Variants in SLC25A26 observed in about 807,000 individuals in gnomAD.
The protein encoded by SLC25A26 is solute carrier family 25 member 26, also known as mitochondrial S-adenosylmethionine carrier protein.
SLC25A26 carries 36 observed loss-of-function variants against 37.8 expected under a neutral mutation model. That is an observed-to-expected ratio of 0.95 (90% CI 0.73 to 1.26). SLC25A26 has a LOEUF of 1.26. Ranked by LOEUF, SLC25A26 falls within the 50% of genes most tolerant of loss-of-function variation. The pLI is 0.00. For synonymous variants in SLC25A26, 129 were observed against 122.5 expected, an observed-to-expected ratio of 1.05 and a Z score of -0.35; for missense variants, 390 against 331.1, an observed-to-expected ratio of 1.18 and a Z score of -1.38.
intron 5 of SLC25A26, among the ~76,000 whole-genome samples, chr3:66,287,822 T>TTGTA (rs1269244666): frequency 9.2e-5 from 14 of 152,358 alleles, no homozygotes; most frequent in Middle Eastern, 6.8e-3. Context: ...TTGCTTCTTA[T>TTGTA]TGTAGCACTG....
intron 1 of SLC25A26, among the ~76,000 whole-genome samples, chr3:66,172,033 C>T (rs756648908): frequency 1.3e-5 from 2 of 152,132 alleles, no homozygotes; most frequent in Non-Finnish European, 2.9e-5. Context: ...CCTGCGCTCC[C>T]CTCCTCTGAT....
intron 3 of SLC25A26, among the ~76,000 whole-genome samples, chr3:66,253,314 G>A (rs2073167261): frequency 6.6e-6 from 1 of 151,734 alleles, no homozygotes; most frequent in East Asian, 1.9e-4. Context: ...GGGAGGCTGA[G>A]GCAGGAGAAT....
chr3:66,236,790 G>A lies in SLC25A26; in HGVS notation c.190+90G>A, dbSNP rs2072313680. On this transcript the variant is annotated intron_variant, in intron 2 of 9. Transcript: ENST00000354883. ...GTCTTACCCCCATAGAATTCCTTGT[G>A]TGTTGAAGCTTATCTTCTGAATTTC... is the stretch of plus-strand genomic sequence containing the variant. 3.1e-6 allele frequency: 3 copies of A among 958,152 alleles called. No homozygotes were observed. The East Asian group carries it at 8.7e-5, about 28-fold the overall frequency. The allele number at this position is 958,152 out of a possible 1,614,324, so 59.4% of individuals were successfully genotyped here. A position where few individuals can be genotyped will look rare whatever the true frequency, so the allele number is the denominator to read the frequency against.
chr3:66,247,407 A>G (rs2072900482), intron 3 of SLC25A26, among the ~76,000 whole-genome samples: 1 of 152,142 alleles, frequency 6.6e-6, no homozygotes, highest in Admixed American at 6.5e-5. Flanking sequence ...TTCTGGGCTC[A>G]CGTGATCCTC....
chr3:66,258,021 T>C (rs967572813), intron 3 of SLC25A26, among the ~76,000 whole-genome samples: 3 of 152,172 alleles, frequency 2.0e-5, no homozygotes, highest in Non-Finnish European at 2.9e-5. Flanking sequence ...CTGGCTAACT[T>C]ATGGAATGAA....
chr3:66,273,589 A>G (rs1172699802), intron 5 of SLC25A26, among the ~76,000 whole-genome samples: 2 of 152,194 alleles, frequency 1.3e-5, no homozygotes, highest in South Asian at 2.1e-4. Flanking sequence ...AAAAATCACA[A>G]GCATTCTTAT....
chr3:66,146,691 T>C (rs180870683), intron 1 of SLC25A26, among the ~76,000 whole-genome samples: 1 of 152,170 alleles, frequency 6.6e-6, no homozygotes, highest in Non-Finnish European at 1.5e-5. Context: ...AGGATTTTTT[T>C]AAAAATTTCA....
chr3:66,194,194 G>A (rs1198055240), intron 1 of SLC25A26, among the ~76,000 whole-genome samples: 4 of 152,144 alleles, frequency 2.6e-5, no homozygotes, highest in African/African-American at 7.2e-5. Context: ...ACCTCCAAAT[G>A]GACTTCATAC....
At chr3:66,230,832 A>G (rs1365635729) in intron 1 of SLC25A26, among the ~76,000 whole-genome samples, 2 of 139,772 alleles carry the variant, frequency 1.4e-5, no homozygotes, top group East Asian at 4.0e-4. Context: ...AAAAAAAACC[A>G]GAATTTTAGA....
At chr3:66,178,506 AT>A (rs1277467821) in intron 1 of SLC25A26, among the ~76,000 whole-genome samples, 1 of 152,120 alleles carries the variant, frequency 6.6e-6, no homozygotes, top group African/African-American at 2.4e-5. Context: ...AGTTTCAGTA[AT>A]GTACATTTAT....
intron 1 of SLC25A26, among the ~76,000 whole-genome samples, chr3:66,227,799 A>G (rs2071826468): frequency 6.6e-6 from 1 of 152,146 alleles, no homozygotes; most frequent in East Asian, 1.9e-4. Flanking sequence ...GCAGTAGGAT[A>G]CTTGAGGGGA....
intron 5 of SLC25A26, among the ~76,000 whole-genome samples, chr3:66,341,743 A>G (rs893157807): frequency 7.9e-5 from 12 of 152,222 alleles, no homozygotes; most frequent in African/African-American, 2.6e-4. Flanking sequence ...TTCACTTTCA[A>G]TTTTCCTCCT....
intron 3 of SLC25A26, among the ~76,000 whole-genome samples, chr3:66,258,383 A>T (rs17044224): frequency 1.3e-5 from 2 of 152,042 alleles, no homozygotes; most frequent in African/African-American, 4.8e-5. Flanking sequence ...AGAGCCTGGC[A>T]TCTTGTTCAC....
chr3:66,312,446 G>C (rs1213701039), intron 5 of SLC25A26, among the ~76,000 whole-genome samples: 3 of 151,752 alleles, frequency 2.0e-5, no homozygotes, highest in Non-Finnish European at 4.4e-5. Context: ...TACTGGGCAA[G>C]ATCACTTGGC....
chr3:66,209,314 CAT>C (rs1321824775), intron 1 of SLC25A26, among the ~76,000 whole-genome samples: 1 of 133,938 alleles, frequency 7.5e-6, no homozygotes, highest in Non-Finnish European at 1.6e-5. Flanking sequence ...TGTATATATA[CAT>C]ATATATCTAT....
At chr3:66,248,685 A>G (rs955566332) in intron 3 of SLC25A26, among the ~76,000 whole-genome samples, 2 of 152,180 alleles carry the variant, frequency 1.3e-5, no homozygotes, top group African/African-American at 4.8e-5. Flanking sequence ...ATGCTGGTAG[A>G]GTGTCCTTTT....
At chr3:66,250,319 T>C (rs2073031773) in intron 3 of SLC25A26, among the ~76,000 whole-genome samples, 1 of 152,196 alleles carries the variant, frequency 6.6e-6, no homozygotes, top group Non-Finnish European at 1.5e-5. Flanking sequence ...CAGGATAAGA[T>C]ACTGCCTTTT....
chr3:66,228,012 T>A lies in SLC25A26; in HGVS notation c.33+6885T>A, dbSNP rs539235849. Among the ~76,000 whole-genome samples, 6 of 152,384 alleles carry A rather than the reference T, an allele frequency of 3.9e-5. No homozygotes were observed. In the South Asian group the frequency reaches 1.2e-3, roughly 32 times the overall value. On this transcript the variant is annotated intron_variant, in intron 1 of 9. Transcript: ENST00000354883. ...AGATTATCTCCAAATTTATAAAAAA[T>A]TGAGAATTATGCTTCTCTTTCTCAG...
At chr3:66,376,743 C>T (rs1013701175) in intron 9 of SLC25A26, among the ~76,000 whole-genome samples, 1 of 152,156 alleles carries the variant, frequency 6.6e-6, no homozygotes, top group Non-Finnish European at 1.5e-5. Context: ...CTGAGTCATG[C>T]CTGTACTCTT....
Sources: allele counts gnomAD v4.1 joint callset (sites outside exome capture counted in the v4.1 genomes callset), GRCh38; gene constraint gnomAD v4.1.1; transcripts MANE v1.5; gene names NCBI Gene and HGNC (gene_info 2026-07-23, HGNC 2026-07-21).